PKD2L1: variants seen among roughly 807,000 people sequenced by gnomAD.
The protein encoded by PKD2L1 is polycystin 2 like 1, transient receptor potential cation channel, also known as polycystin-2-like protein 1.
Under a neutral mutation model 93.0 loss-of-function variants are expected in PKD2L1, and 77 were observed. The ratio of observed to expected loss-of-function variants is 0.83; its 90% confidence interval spans 0.69 to 1.00. The LOEUF (loss-of-function observed/expected upper bound fraction) is 1.00, where lower values mean the gene tolerates loss of function less well. PKD2L1 is among the 50% of genes least tolerant of loss of function. The pLI is 0.00. For synonymous variants in PKD2L1, 390 were observed against 388.0 expected, an observed-to-expected ratio of 1.01 and a Z score of -0.06; for missense variants, 977 against 990.9, an observed-to-expected ratio of 0.99 and a Z score of 0.19.
chr10:100,326,316 T>G (rs978406201), intron 2 of PKD2L1, among the ~76,000 whole-genome samples: 4 of 152,198 alleles, frequency 2.6e-5, no homozygotes, highest in African/African-American at 7.2e-5. Context: ...CTTTTACCAC[T>G]TTGCTTCTCA....
At chr10:100,303,598 G>C (rs192300999) in intron 2 of PKD2L1, among the ~76,000 whole-genome samples, 1 of 152,272 alleles carries the variant, frequency 6.6e-6, no homozygotes, top group East Asian at 1.9e-4. Context: ...TCTGGAAGGC[G>C]AATGATCACG....
intron 2 of PKD2L1, among the ~76,000 whole-genome samples, chr10:100,314,477 T>C (rs924381326): frequency 2.0e-5 from 3 of 152,100 alleles, no homozygotes; most frequent in African/African-American, 7.2e-5. Context: ...CCGAGAAGTA[T>C]CCAGCAAGAA....
chr10:100,308,663 A>T (rs1195684218), intron 2 of PKD2L1, among the ~76,000 whole-genome samples: 1 of 152,218 alleles, frequency 6.6e-6, no homozygotes, highest in Non-Finnish European at 1.5e-5. Flanking sequence ...ACTTTTCAAA[A>T]GATAATATAG....
At chr10:100,324,498 C>T (rs1410108198) in intron 2 of PKD2L1, among the ~76,000 whole-genome samples, 1 of 152,184 alleles carries the variant, frequency 6.6e-6, no homozygotes, top group Non-Finnish European at 1.5e-5. Flanking sequence ...TCTGTCTTTT[C>T]CACCATGGCA....
chr10:100,319,825 T>C (rs900604019), intron 2 of PKD2L1, among the ~76,000 whole-genome samples: 3 of 152,230 alleles, frequency 2.0e-5, no homozygotes, highest in Non-Finnish European at 2.9e-5. Context: ...GCCTCTCCTA[T>C]ACAGGGCTAG....
rs2134382575 is a variant in PKD2L1, at chr10:100,297,201, C to T, written c.964G>A (p.Val322Met). The change falls in exon 6 of 16, where the codon GTG (valine) becomes ATG (methionine). Residue 322 changes from valine (V) to methionine (M), a missense_variant. Coordinates refer to ENST00000318222, the MANE Select transcript of PKD2L1 (RefSeq NM_016112.3). The part of the protein sequence containing the change: ...INLFCVLRLV[V>M]EFPATGGAIP... ...GCACCTCCTGTAGCTGGAAACTCCA[C>T]CACCAGCCTATAGGGGGAGGGGGAG... The T allele has an allele frequency of 4.3e-6, 7 of 1,613,660 alleles. No homozygotes were observed. Among genetic ancestry groups the T allele is most frequent in the East Asian group, 2.2e-5 (1 of 44,878 alleles).
At chr10:100,291,852 G>T (rs1242921345) in intron 11 of PKD2L1, among the ~76,000 whole-genome samples, 1 of 152,044 alleles carries the variant, frequency 6.6e-6, no homozygotes, top group South Asian at 2.1e-4. Context: ...GCCTTTCTCA[G>T]TGTGGTCCTT....
chr10:100,318,520 T>TC (rs1326407172), intron 2 of PKD2L1, among the ~76,000 whole-genome samples: 1 of 146,140 alleles, frequency 6.8e-6, no homozygotes, highest in Non-Finnish European at 1.5e-5. Context: ...GTTTTTCTTT[T>TC]CTTTTTTTTT....
At chr10:100,298,465 G>T in intron 4 of PKD2L1, 97 bp downstream of exon 4, 4 of 1,268,372 alleles carry the variant, frequency 3.2e-6, no homozygotes, top group East Asian at 2.3e-5. Flanking sequence ...GAGCTCTGAG[G>T]CTCTTTAAGC....
chr10:100,290,238 G>A, intron 13 of PKD2L1, 100 bp from the exon 14 acceptor site: 1 of 1,485,472 alleles, frequency 6.7e-7, no homozygotes, highest in Non-Finnish European at 9.3e-7. Flanking sequence ...GTCCTGAATG[G>A]AACAAGGAAG....
At chr10:100,296,834 C>T in intron 6 of PKD2L1, 146 bp downstream of exon 6, 1 of 612,222 alleles carries the variant, frequency 1.6e-6, no homozygotes, top group Admixed American at 2.9e-5. Context: ...ACATGTCCCT[C>T]TCACTTAGGG....
At chr10:100,315,812 C>T (rs1444651643) in intron 2 of PKD2L1, among the ~76,000 whole-genome samples, 1 of 152,178 alleles carries the variant, frequency 6.6e-6, no homozygotes, top group African/African-American at 2.4e-5. Flanking sequence ...CTGGCGCTAC[C>T]TCCTCCATCC....
At chr10:100,305,124 T>C (rs1413652698) in intron 2 of PKD2L1, among the ~76,000 whole-genome samples, 1 of 151,692 alleles carries the variant, frequency 6.6e-6, no homozygotes, top group Non-Finnish European at 1.5e-5. Context: ...CTTTTTTTTT[T>C]TTTTTGAGAT....
At chr10:100,298,412 T>C in intron 4 of PKD2L1, 150 bp downstream of exon 4, 1 of 767,490 alleles carries the variant, frequency 1.3e-6, no homozygotes, top group Non-Finnish European at 2.1e-6. Context: ...CCCCAAACAG[T>C]CACAGCTGGG....
intron 2 of PKD2L1, among the ~76,000 whole-genome samples, chr10:100,303,200 T>G (rs1428874443): frequency 1.4e-5 from 2 of 144,230 alleles, no homozygotes; most frequent in East Asian, 2.0e-4. Flanking sequence ...TGTTTTTTTG[T>G]TTTTTTTTTT....
intron 3 of PKD2L1, 108 bp downstream of exon 3, chr10:100,299,483 A>C: frequency 1.9e-6 from 2 of 1,040,802 alleles, no homozygotes. Context: ...ACTCAGTCTG[A>C]TCCCTGACTG....
intron 2 of PKD2L1, among the ~76,000 whole-genome samples, chr10:100,312,222 A>C (rs1208132234): frequency 6.6e-6 from 1 of 152,236 alleles, no homozygotes; most frequent in African/African-American, 2.4e-5. Flanking sequence ...CAGAGACTAC[A>C]ACTGAGAGAA....
At chr10:100,291,574 A>G in intron 11 of PKD2L1, 147 bp from the exon 12 acceptor site, 3 of 744,974 alleles carry the variant, frequency 4.0e-6, no homozygotes, top group Non-Finnish European at 2.2e-6. Flanking sequence ...TACCCCCAGG[A>G]AAACACTCAG....
At chr10:100,292,815 AG>A in intron 11 of PKD2L1, 132 bp downstream of exon 11, 1 of 894,452 alleles carries the variant, frequency 1.1e-6, no homozygotes, top group Non-Finnish European at 1.7e-6. Context: ...CTACGGGCAA[AG>A]ATCTGAAGCC....
Sources: gnomAD v4.1 joint callset for allele counts (sites outside exome capture counted in the v4.1 genomes callset) on GRCh38, gnomAD v4.1.1 for gene constraint, MANE v1.5 for transcripts, NCBI Gene and HGNC (gene_info 2026-07-23, HGNC 2026-07-21) for gene names.